Variants in SCN3A observed in about 807,000 individuals in gnomAD.
SCN3A encodes the protein sodium channel protein type 3 subunit alpha.
In SCN3A, 60 loss-of-function variants were observed where a neutral mutation model predicts 187.6. The ratio of observed to expected loss-of-function variants is 0.32; its 90% CI spans 0.26 to 0.40. SCN3A has a LOEUF of 0.40. Among genes scored for constraint, SCN3A ranks in the 10% least tolerant of loss-of-function variants. The pLI is 1.00. For missense variants in SCN3A, 1,601 were observed against 2,428.2 expected, an observed-to-expected ratio of 0.66 and a Z score of 7.16; for synonymous variants, 788 against 829.2, an observed-to-expected ratio of 0.95 and a Z score of 0.85.
At chr2:165,103,300 G>T (rs1685693476) in intron 21 of SCN3A, among the ~76,000 whole-genome samples, 1 of 152,124 alleles carries the variant, frequency 6.6e-6, no homozygotes, top group African/African-American at 2.4e-5. Flanking sequence ...TCAGAATAGT[G>T]AAATGACCAC....
chr2:165,125,805 A>G (rs1686960585), intron 18 of SCN3A, among the ~76,000 whole-genome samples: 1 of 152,180 alleles, frequency 6.6e-6, no homozygotes. Flanking sequence ...TTCTTCTTAC[A>G]TAAATTCATG....
chr2:165,162,874 T>A (rs9333576), intron 7 of SCN3A, 46 bp from the exon 8 acceptor site: 1 of 1,606,114 alleles, frequency 6.2e-7, no homozygotes, highest in Non-Finnish European at 8.5e-7. Flanking sequence ...GTGCCAGAAA[T>A]CATGATTTCT....
chr2:165,126,397 C>A (rs1317645330), intron 18 of SCN3A, among the ~76,000 whole-genome samples: 1 of 149,142 alleles, frequency 6.7e-6, no homozygotes, highest in Admixed American at 6.7e-5. Flanking sequence ...TTCCTTCTTT[C>A]CTTCCCTCCT....
At chr2:165,091,707 C>G (rs967734892) in intron 27 of SCN3A, 5 of 298,846 alleles carry the variant, frequency 1.7e-5, no homozygotes, top group Non-Finnish European at 2.5e-5. Flanking sequence ...TTTAATGATA[C>G]TCTTCAGTTA....
At chr2:165,091,496 A>G (rs1395520065) in intron 27 of SCN3A, 151 bp from the exon 28 acceptor site, 1 of 1,053,424 alleles carries the variant, frequency 9.5e-7, no homozygotes, top group Non-Finnish European at 1.4e-6. Flanking sequence ...TAGCAATTAC[A>G]GATTACAGAG....
Position 165,092,581 on chromosome 2 carries a change from C to CAGT in SCN3A, c.4537-60_4537-58dup. 2.0e-6 allele frequency: 3 copies of CAGT among 1,529,540 alleles called. No homozygotes were observed. The highest frequency in any genetic ancestry group is 2.7e-6 in the Non-Finnish European group (3 of 1,106,704). 94.7% of individuals were successfully genotyped at this position (1,529,540 alleles called of 1,614,324 possible). On this transcript the variant is annotated intron_variant, in intron 26 of 27. Transcript: ENST00000283254. The surrounding 1 kb of genome is among the most constrained non-coding windows in gnomAD (Gnocchi z 4.2). ...TATATATATTTCATAAAGAATAATG[C>CAGT]AGTAAAATTGTAGATAAAGCCCTTC...
At chr2:165,170,350 A>T in intron 4 of SCN3A, 80 bp downstream of exon 4, 1 of 857,622 alleles carries the variant, frequency 1.2e-6, no homozygotes, top group South Asian at 1.4e-5. Flanking sequence ...AATTTTACAG[A>T]TACTTGAAAA....
chr2:165,158,784 A>G lies in SCN3A; in HGVS notation c.1032-2881T>C, dbSNP rs1037747811. On this transcript the variant is annotated intron_variant, in intron 9 of 27. Coordinates refer to ENST00000283254, the MANE Select transcript of SCN3A (RefSeq NM_006922.4). ...AGTAATATTTTATTGTATGGGCATA[A>G]CAATTTATTTATCTATACAACTATT... is the stretch of plus-strand genomic sequence containing the variant. 1.5e-4 allele frequency among the ~76,000 whole-genome samples: 21 copies of G among 137,940 alleles called. 7 individuals carry two copies. The East Asian group carries it at 5.4e-3, about 35-fold the overall frequency. The allele number at this position is 137,940 out of a possible 152,430, so 90.5% of individuals were successfully genotyped here. A position where few individuals can be genotyped will look rare whatever the true frequency, so the allele number is the denominator to read the frequency against.
At chr2:165,178,638 T>C (rs1690628235) in intron 2 of SCN3A, among the ~76,000 whole-genome samples, 1 of 152,212 alleles carries the variant, frequency 6.6e-6, no homozygotes, top group Admixed American at 6.5e-5. Context: ...ATATAAGTTA[T>C]AAAATAAAAT....
At chr2:165,123,327 A>T (rs970273993) in intron 18 of SCN3A, among the ~76,000 whole-genome samples, 1 of 152,182 alleles carries the variant, frequency 6.6e-6, no homozygotes, top group Admixed American at 6.5e-5. Context: ...TATAACATAT[A>T]TAACAGCAAT....
chr2:165,153,425 G>C (rs962807703), intron 11 of SCN3A, among the ~76,000 whole-genome samples: 6 of 151,926 alleles, frequency 3.9e-5, no homozygotes, highest in Non-Finnish European at 7.4e-5. Context: ...AAAAAGCTAA[G>C]AAATAATACT....
chr2:165,095,685 T>C (rs910167459), intron 24 of SCN3A, 37 bp from the exon 25 acceptor site: 6 of 1,102,782 alleles, frequency 5.4e-6, no homozygotes, highest in Non-Finnish European at 6.8e-6. Context: ...ATATGAAAAA[T>C]ACTATAAATA....
Position 165,090,360 on chromosome 2 carries a change from T to A in SCN3A, c.5793A>T (p.Ala1931=), listed in dbSNP as rs1480198834. The A allele has an allele frequency of 1.2e-6, 2 of 1,613,056 alleles. No homozygotes were observed. The highest frequency in any genetic ancestry group is 1.7e-6 in the Non-Finnish European group (2 of 1,179,122). Residue 1931 remains alanine, a synonymous_variant, in exon 28 of 28, where the codon GCA becomes GCT. Coordinates refer to ENST00000283254, the MANE Select transcript of SCN3A (RefSeq NM_006922.4). This position sits in a 1 kb window ranked among gnomAD's most constrained non-coding sequence, Gnocchi z 4.0. ...KNISSNYNKE[A]IKGRIDLPIK... is the part of the protein sequence containing the mutation. ...TAGGTAAGTCAATCCTCCCTTTAAT[T>A]GCCTCTTTGTTATAGTTACTTGATA...
chr2:165,162,254 CTTT>C, intron 9 of SCN3A, 51 bp downstream of exon 9: 1 of 1,347,478 alleles, frequency 7.4e-7, no homozygotes, highest in Non-Finnish European at 1.0e-6. Context: ...TTCCTACCTA[CTTT>C]TTTTTTTCGC....
Position 165,162,731 on chromosome 2 carries a change from A to C in SCN3A, c.792T>G (p.Ile264Met), listed in dbSNP as rs760857502. The change falls in exon 8 of 28, where the codon ATT becomes ATG. Residue 264 changes from isoleucine to methionine, a missense_variant. Physicochemically the swap from Ile to Met is conservative, Grantham distance 10. This residue lies in a region of SCN3A where 104 missense variants were observed against 102.7 expected (regional missense o/e 1.01). Transcript: ENST00000283254. The stretch of plus-strand genomic sequence containing the variant: ...GATTGCCCATGAACAGCTGCAGCCC[A>C]ATGAGAGCAAACACGCTCAGACAGA... ...TVFCLSVFAL[I>M]GLQLFMGNLR... 6.2e-7 allele frequency: 1 copy of C among 1,614,170 alleles called. No homozygotes were observed. Among genetic ancestry groups the C allele is most frequent in the South Asian group, 1.1e-5 (1 of 91,084 alleles).
rs903028639 is a variant in SCN3A at position 165,092,668 on chromosome 2, T to TC, written c.4537-145dup. 6 of 764,892 alleles carry TC rather than the reference T, an allele frequency of 7.8e-6. No individual in the cohort carries two copies. The Admixed American group carries it at 8.5e-5, about 11-fold the overall frequency. The allele number at this position is 764,892 out of a possible 1,614,324, so 47.4% of individuals were successfully genotyped here. ...CCCAAACAATTTTGTGTGCTTTTTTTCTCTTCATGTTAAAAAAAATGGAAA... is the reference window on the plus strand; with the variant it reads ...CCCAAACAATTTTGTGTGCTTTTTTTCCTCTTCATGTTAAAAAAAATGGAAA... On this transcript the variant is annotated intron_variant, in intron 26 of 27. Coordinates refer to ENST00000283254, the MANE Select transcript of SCN3A (RefSeq NM_006922.4). This position sits in a 1 kb window ranked among gnomAD's most constrained non-coding sequence, Gnocchi z 4.2.
At chr2:165,141,113 C>T (rs747123143) in intron 12 of SCN3A, 115 bp from the exon 13 acceptor site, 3 of 670,434 alleles carry the variant, frequency 4.5e-6, no homozygotes, top group Non-Finnish European at 7.5e-6. Context: ...TACTCTTGCT[C>T]TTAAACATGG....
At chr2:165,112,155 A>G (rs150216338) in intron 21 of SCN3A, among the ~76,000 whole-genome samples, 3 of 152,328 alleles carry the variant, frequency 2.0e-5, no homozygotes, top group Non-Finnish European at 2.9e-5. Flanking sequence ...AATATCACAG[A>G]CTACAAGGAA....
At position 165,092,538 on chromosome 2, in the gene SCN3A, GA is replaced by G. The variant is rs1479936502; in HGVS notation, c.4537-15del. ...TTGGAATTTGTTCTAGAAAGTGAGA[GA>G]AGAGAAATAAGGTTACTATATATAT... On this transcript the variant is annotated splice_polypyrimidine_tract_variant and intron_variant, in intron 26 of 27. Coordinates refer to ENST00000283254, the MANE Select transcript of SCN3A (RefSeq NM_006922.4). The surrounding 1 kb of genome is among the most constrained non-coding windows in gnomAD (Gnocchi z 4.2). 1 of 1,606,896 alleles carries G rather than the reference GA, an allele frequency of 6.2e-7. No individual in the cohort carries two copies. Among genetic ancestry groups the G allele is most frequent in the East Asian group, 2.2e-5 (1 of 44,838 alleles).
Sources: allele counts gnomAD v4.1 joint callset (sites outside exome capture counted in the v4.1 genomes callset), GRCh38; gene constraint gnomAD v4.1.1; regional missense constraint gnomAD v4.1.1; non-coding constraint Gnocchi (gnomAD v3.1); transcripts MANE v1.5; gene names NCBI Gene and HGNC (gene_info 2026-07-23, HGNC 2026-07-21).